The following PCP4L1 variants were observed in gnomAD, a reference collection of about 807,000 sequenced individuals.
The protein encoded by PCP4L1 is Purkinje cell protein 4 like 1.
In PCP4L1, 9 loss-of-function variants were observed where a neutral mutation model predicts 9.6. The ratio of observed to expected loss-of-function variants is 0.94; its 90% CI spans 0.57 to 1.64. The LOEUF is 1.64. PCP4L1 is among the 40% of genes most tolerant of loss of function. PCP4L1 has a pLI of 0.00. For missense variants in PCP4L1, 81 were observed against 80.8 expected, an observed-to-expected ratio of 1.00 and a Z score of -0.01; for synonymous variants, 31 against 28.2, an observed-to-expected ratio of 1.10 and a Z score of -0.31.
intron 1 of PCP4L1, among the ~76,000 whole-genome samples, 158 bp downstream of exon 1, chr1:161,259,141 G>A (rs539949070): frequency 6.6e-6 from 1 of 152,278 alleles, no homozygotes; most frequent in South Asian, 2.1e-4. Context: ...CCCACCTCGG[G>A]GCGCTGGGAA....
At chr1:161,264,820 C>A (rs1669502636) in intron 1 of PCP4L1, among the ~76,000 whole-genome samples, 1 of 152,150 alleles carries the variant, frequency 6.6e-6, no homozygotes, top group African/African-American at 2.4e-5. Context: ...TAGAGTGAGA[C>A]CCTGTCTCTC....
chr1:161,280,079 A>G (rs909733118), intron 1 of PCP4L1, among the ~76,000 whole-genome samples: 1 of 152,174 alleles, frequency 6.6e-6, no homozygotes, highest in Non-Finnish European at 1.5e-5. Flanking sequence ...GTCTCCAGCA[A>G]TCCTATCACT....
chr1:161,280,902 AG>A (rs1414400976), intron 1 of PCP4L1, among the ~76,000 whole-genome samples: 1 of 151,896 alleles, frequency 6.6e-6, no homozygotes, highest in Non-Finnish European at 1.5e-5. Context: ...GGGATTTGGC[AG>A]GGTCATAGGA....
At chr1:161,275,550 T>C (rs1320208496) in intron 1 of PCP4L1, among the ~76,000 whole-genome samples, 1 of 150,012 alleles carries the variant, frequency 6.7e-6, no homozygotes, top group Non-Finnish European at 1.5e-5. Flanking sequence ...AGAGTCCAGA[T>C]TTTCCTTCAA....
chr1:161,270,579 A>AAAAAAAAAAAAG (rs993282417), intron 1 of PCP4L1, among the ~76,000 whole-genome samples: 7 of 150,848 alleles, frequency 4.6e-5, no homozygotes, highest in Non-Finnish European at 1.0e-4. Context: ...CAAAAAAAAA[A>AAAAAAAAAAAAG]AGAGAGACCC....
intron 1 of PCP4L1, among the ~76,000 whole-genome samples, chr1:161,264,422 C>A (rs1198604581): frequency 6.6e-6 from 1 of 152,032 alleles, no homozygotes; most frequent in African/African-American, 2.4e-5. Flanking sequence ...GAGGCTGAGC[C>A]AGGAGAATTG....
At chr1:161,266,426 C>G (rs1353189327) in intron 1 of PCP4L1, among the ~76,000 whole-genome samples, 1 of 152,234 alleles carries the variant, frequency 6.6e-6, no homozygotes, top group African/African-American at 2.4e-5. Context: ...CAGCTCTAAG[C>G]TGTGTGCAGA....
intron 1 of PCP4L1, among the ~76,000 whole-genome samples, chr1:161,282,784 T>C (rs1447209906): frequency 6.6e-6 from 1 of 152,154 alleles, no homozygotes; most frequent in Non-Finnish European, 1.5e-5. Flanking sequence ...TTTGGAATCA[T>C]CCTTGACCCC....
At chr1:161,266,274 T>C (rs1022808306) in intron 1 of PCP4L1, among the ~76,000 whole-genome samples, 2 of 152,206 alleles carry the variant, frequency 1.3e-5, no homozygotes, top group African/African-American at 4.8e-5. Flanking sequence ...GTTTGCTTTG[T>C]AGGCTGCAGC....
In PCP4L1 at chr1:161,284,417, C is replaced by T; in HGVS notation, c.143C>T (p.Ala48Val). Residue 48 changes from alanine (A) to valine (V), a missense_variant, in exon 3 of 3, where the codon GCT becomes GTT. Coordinates refer to ENST00000504449, the MANE Select transcript of PCP4L1 (RefSeq NM_001102566.2). ...IDLTAPETEK[A>V]ALAIQGKFRR... ...CTGACAGCACCAGAAACAGAGAAGG[C>T]TGCCCTTGCTATTCAGGGCAAGTTC... is the stretch of plus-strand genomic sequence containing the variant. 6.2e-7 allele frequency: 1 copy of T among 1,613,988 alleles called. No homozygotes were observed. Among genetic ancestry groups the T allele is most frequent in the Non-Finnish European group, 8.5e-7 (1 of 1,179,880 alleles).
At position 161,285,388 on chromosome 1, in the gene PCP4L1, A is replaced by C. The variant is rs1669894185; in HGVS notation, c.*907A>C. On this transcript the variant is annotated 3_prime_UTR_variant, in exon 3 of 3. Transcript: ENST00000504449. ...AAAAGTGGAATAGCCACTCCATGTG[A>C]TTTTAGCATGTTTAATCATTTTAAC... is the stretch of plus-strand genomic sequence containing the variant. The C allele has an allele frequency of 6.6e-6, 1 of 152,266 alleles. No individual in the cohort carries two copies. The highest frequency in any genetic ancestry group is 2.1e-4 in the South Asian group (1 of 4,824). 9.4% of individuals were successfully genotyped at this position (152,266 alleles called of 1,614,324 possible).
At chr1:161,282,949 C>T (rs866221328) in intron 1 of PCP4L1, among the ~76,000 whole-genome samples, 2 of 152,162 alleles carry the variant, frequency 1.3e-5, no homozygotes. Context: ...AACCTCTTAA[C>T]AGATTTTTCT....
rs199769913 is a variant in PCP4L1 at position 161,278,228 on chromosome 1, G to A, written c.10-5440G>A. On this transcript the variant is annotated intron_variant, in intron 1 of 2. Transcript: ENST00000504449. ...GCTCTTTGATAGAGCTCTCTGTACT[G>A]AAAAATATACAGGCAGATCCAGCTT... 2.6e-5 allele frequency among the ~76,000 whole-genome samples: 4 copies of A among 152,032 alleles called. No homozygotes were observed. The East Asian group carries it at 5.8e-4, about 22-fold the overall frequency.
Position 161,258,857 on chromosome 1 carries a change from G to T in PCP4L1, c.-118G>T. ...TCTCCGCACTAACTCTCCTCTCCTGGTCAGCTGTAACCCCTGCCGCAGAGC... is the reference window on the plus strand; with the variant it reads ...TCTCCGCACTAACTCTCCTCTCCTGTTCAGCTGTAACCCCTGCCGCAGAGC... On this transcript the variant is annotated 5_prime_UTR_variant, in exon 1 of 3. Coordinates refer to ENST00000504449, the MANE Select transcript of PCP4L1 (RefSeq NM_001102566.2). 6.9e-7 allele frequency: 1 copy of T among 1,441,518 alleles called. No homozygotes were observed. 89.3% of individuals were successfully genotyped at this position (1,441,518 alleles called of 1,614,324 possible). A position where few individuals can be genotyped will look rare whatever the true frequency, so the allele number is the denominator to read the frequency against.
In PCP4L1 at chr1:161,284,376, G is replaced by A; in HGVS notation, c.102G>A (p.Glu34=). ...ATGTCAAGAAGGCGGAGGAGGAGGA[G>A]GAGATTGACATTGATCTGACAGCAC... ...AGNVKKAEEE[E]EIDIDLTAPE... Residue 34 remains glutamate, a synonymous_variant, in exon 3 of 3, where the codon GAG becomes GAA. Transcript: ENST00000504449. 1.2e-6 allele frequency: 2 copies of A among 1,613,976 alleles called. No individual in the cohort carries two copies. The highest frequency in any genetic ancestry group is 1.7e-6 in the Non-Finnish European group (2 of 1,179,876).
chr1:161,278,724 C>T (rs555267312), intron 1 of PCP4L1, among the ~76,000 whole-genome samples: 1 of 152,290 alleles, frequency 6.6e-6, no homozygotes, highest in Non-Finnish European at 1.5e-5. Flanking sequence ...TGGCTATCTA[C>T]CTAACCTCAT....
chr1:161,284,532 C>T lies in PCP4L1; in HGVS notation c.*51C>T, dbSNP rs1669876523. On this transcript the variant is annotated 3_prime_UTR_variant, in exon 3 of 3. Coordinates refer to ENST00000504449, the MANE Select transcript of PCP4L1 (RefSeq NM_001102566.2). ...ACCTTCATGCTGGTCCCTTCTCTCCCCTTCTCCACACCCATGTATCTTTAT... is the reference window on the plus strand; with the variant it reads ...ACCTTCATGCTGGTCCCTTCTCTCCTCTTCTCCACACCCATGTATCTTTAT... 2.5e-6 allele frequency: 4 copies of T among 1,585,448 alleles called. No homozygotes were observed. Among genetic ancestry groups the T allele is most frequent in the Non-Finnish European group, 3.4e-6 (4 of 1,165,276 alleles).
chr1:161,258,844 C>T lies in PCP4L1; in HGVS notation c.-131C>T, dbSNP rs1669365086. ...CCAGAGCAGCGGCTCTCCGCACTAA[C>T]TCTCCTCTCCTGGTCAGCTGTAACC... On this transcript the variant is annotated 5_prime_UTR_variant, in exon 1 of 3. Transcript: ENST00000504449. The T allele has an allele frequency of 5.1e-6, 7 of 1,370,808 alleles. No individual in the cohort carries two copies. The South Asian group carries it at 7.5e-5, about 15-fold the overall frequency. The allele number at this position is 1,370,808 out of a possible 1,614,324, so 84.9% of individuals were successfully genotyped here.
At chr1:161,259,120 C>A in intron 1 of PCP4L1, 137 bp downstream of exon 1, 1 of 1,275,830 alleles carries the variant, frequency 7.8e-7, no homozygotes, top group South Asian at 1.6e-5. Flanking sequence ...CACTGCCCTC[C>A]TAGGAAAGCT....
Sources: gnomAD v4.1 joint callset for allele counts (sites outside exome capture counted in the v4.1 genomes callset) on GRCh38, gnomAD v4.1.1 for gene constraint, MANE v1.5 for transcripts, NCBI Gene and HGNC (gene_info 2026-07-23, HGNC 2026-07-21) for gene names.